SERPINA6: variants seen among roughly 807,000 people sequenced by gnomAD.
The protein encoded by SERPINA6 is corticosteroid-binding globulin.
In SERPINA6, 19 loss-of-function variants were observed where a neutral mutation model predicts 26.4. The observed-to-expected ratio is 0.72, with a 90% CI of 0.50 to 1.06. SERPINA6 has a LOEUF of 1.06. SERPINA6 is among the 50% of genes least tolerant of loss of function. The pLI is 0.00. For synonymous variants in SERPINA6, 196 were observed against 199.4 expected (o/e 0.98, Z 0.14); for missense variants, 473 against 504.0 (o/e 0.94, Z 0.59).
rs58671177 is a variant in SERPINA6 at position 94,315,228 on chromosome 14, A to G, written c.-19-561T>C. Among the ~76,000 whole-genome samples, 732 of 152,310 alleles carry G rather than the reference A, an allele frequency of 4.8e-3. 5 individuals are homozygous for G. The highest frequency in any genetic ancestry group is 0.017 in the African/African-American group (698 of 41,560). On this transcript the variant is annotated intron_variant, in intron 1 of 4. Transcript: ENST00000341584. ...GGTAAAGGTAGATGCGTGGGCAATT[A>G]TAAGTTATGTTTTTGGGCACATGAT...
At position 94,317,486 on chromosome 14, in the gene SERPINA6, C is replaced by T. The variant is rs149904790; in HGVS notation, c.-19-2819G>A. On this transcript the variant is annotated intron_variant, in intron 1 of 4. Coordinates refer to ENST00000341584, the MANE Select transcript of SERPINA6 (RefSeq NM_001756.4). The stretch of plus-strand genomic sequence containing the variant: ...GGAGCTTGGCCTCTCTCTCCTGATC[C>T]GATGTGGTAATCTGGGGATTCAGTC... Among the ~76,000 whole-genome samples the T allele has an allele frequency of 9.6e-3, 1,459 of 152,224 alleles. 26 individuals are homozygous for T. The highest frequency in any genetic ancestry group is 0.033 in the African/African-American group (1,375 of 41,544).
chr14:94,308,098 C>T (rs1038985549), intron 3 of SERPINA6, among the ~76,000 whole-genome samples: 11 of 152,256 alleles, frequency 7.2e-5, no homozygotes, highest in African/African-American at 2.7e-4. Context: ...CCCCTGACTT[C>T]ATGTCGGGTC....
intron 2 of SERPINA6, among the ~76,000 whole-genome samples, chr14:94,310,485 C>T (rs545095447): frequency 2.6e-5 from 4 of 152,284 alleles, no homozygotes; most frequent in East Asian, 3.9e-4. Flanking sequence ...TTCTAGGCCA[C>T]GTTGTCCTAA....
Position 94,306,195 on chromosome 14 carries a change from T to G in SERPINA6, c.908A>C (p.Lys303Thr), listed in dbSNP as rs1295435697. The stretch of plus-strand genomic sequence containing the variant: ...GTCATAGACTCCAGAGATGGTGACC[T>G]TTGGAATGTACAGGTCCACCTGGCT... ...TSSQVDLYIPKVTISGVYDLG... is the reference protein window; with the variant it reads ...TSSQVDLYIPTVTISGVYDLG... The change falls in exon 4 of 5, where the codon AAG becomes ACG. Residue 303 changes from lysine (K) to threonine (T), a missense_variant. Transcript: ENST00000341584. The G allele has an allele frequency of 1.9e-6, 3 of 1,614,186 alleles. No homozygotes were observed. The highest frequency in any genetic ancestry group is 2.5e-6 in the Non-Finnish European group (3 of 1,180,032).
chr14:94,321,433 T>A (rs953892048), intron 1 of SERPINA6, among the ~76,000 whole-genome samples: 41 of 152,026 alleles, frequency 2.7e-4, no homozygotes, highest in Non-Finnish European at 5.4e-4. Context: ...CCCTTTGGGG[T>A]CTCAGCCACA....
Position 94,314,590 on chromosome 14 carries a change from A to T in SERPINA6, c.59T>A (p.Val20Asp), listed in dbSNP as rs1895585986. ...LWLPTSGLWTVQAMDPNAAYV... is the reference protein window; with the variant it reads ...LWLPTSGLWTDQAMDPNAAYV... ...AGCAGCGTTAGGATCCATGGCCTGGACGGTCCAGAGGCCGCTGGTGGGCAG... is the reference window on the plus strand; with the variant it reads ...AGCAGCGTTAGGATCCATGGCCTGGTCGGTCCAGAGGCCGCTGGTGGGCAG... Residue 20 changes from valine to aspartate, a missense_variant, in exon 2 of 5, where the codon GTC becomes GAC. Coordinates refer to ENST00000341584, the MANE Select transcript of SERPINA6 (RefSeq NM_001756.4). 1.2e-6 allele frequency: 2 copies of T among 1,614,192 alleles called. No homozygotes were observed. Among genetic ancestry groups the T allele is most frequent in the East Asian group, 2.2e-5 (1 of 44,886 alleles).
At chr14:94,313,386 T>A (rs76812276) in intron 2 of SERPINA6, among the ~76,000 whole-genome samples, 1 of 152,198 alleles carries the variant, frequency 6.6e-6, no homozygotes, top group Non-Finnish European at 1.5e-5. Context: ...ATCACCCAGG[T>A]GGGCCATTAT....
At chr14:94,306,469 C>T (rs1291093439) in intron 3 of SERPINA6, among the ~76,000 whole-genome samples, 1 of 152,216 alleles carries the variant, frequency 6.6e-6, no homozygotes, top group Middle Eastern at 3.2e-3. Flanking sequence ...CTCTGCAATT[C>T]CTTCGAGCTG....
rs1322950917 is a variant in SERPINA6, at chr14:94,304,356, AT to A, written c.*61del. ...GGGGAAACCTCCCGCTCTCCAAAACATTTCTGTGGGATCCCTGGTTCCCAAA... is the reference window on the plus strand; with the variant it reads ...GGGGAAACCTCCCGCTCTCCAAAACATTCTGTGGGATCCCTGGTTCCCAAA... On this transcript the variant is annotated 3_prime_UTR_variant, in exon 5 of 5. Coordinates refer to ENST00000341584, the MANE Select transcript of SERPINA6 (RefSeq NM_001756.4). 1 of 1,548,298 alleles carries A rather than the reference AT, an allele frequency of 6.5e-7. No individual in the cohort carries two copies. Among genetic ancestry groups the A allele is most frequent in the Non-Finnish European group, 8.9e-7 (1 of 1,120,342 alleles).
At chr14:94,308,961 TTCAC>T (rs1176308174) in intron 3 of SERPINA6, among the ~76,000 whole-genome samples, 1 of 152,210 alleles carries the variant, frequency 6.6e-6, no homozygotes, top group Non-Finnish European at 1.5e-5. Flanking sequence ...CATCCATTAA[TTCAC>T]TCACTCATTC....
At chr14:94,322,969 G>T (rs1595578056) in intron 1 of SERPINA6, among the ~76,000 whole-genome samples, 2 of 152,300 alleles carry the variant, frequency 1.3e-5, no homozygotes, top group South Asian at 4.1e-4. Context: ...ATCTGGCTGG[G>T]CTTAGGAGCA....
intron 1 of SERPINA6, among the ~76,000 whole-genome samples, chr14:94,315,253 T>C (rs979953834): frequency 6.8e-6 from 1 of 148,070 alleles, no homozygotes; most frequent in East Asian, 2.0e-4. Context: ...GGGCACATGA[T>C]GTGTAGATAT....
chr14:94,311,255 G>T (rs1895525607), intron 2 of SERPINA6, among the ~76,000 whole-genome samples: 1 of 152,076 alleles, frequency 6.6e-6, no homozygotes. Context: ...ATTATTTGAG[G>T]GTTCTCAAAT....
At chr14:94,313,883 C>T (rs951502727) in intron 2 of SERPINA6, 153 bp downstream of exon 2, 16 of 870,524 alleles carry the variant, frequency 1.8e-5, no homozygotes, top group Non-Finnish European at 2.7e-5. Context: ...ATAATTCCAC[C>T]TACCCAGCAG....
chr14:94,313,865 A>G, intron 2 of SERPINA6, 171 bp downstream of exon 2: 1 of 836,356 alleles, frequency 1.2e-6, no homozygotes, highest in African/African-American at 1.7e-5. Flanking sequence ...GATCTTTTGT[A>G]AAATAATATA....
At chr14:94,316,052 G>T (rs1014827650) in intron 1 of SERPINA6, among the ~76,000 whole-genome samples, 1 of 152,000 alleles carries the variant, frequency 6.6e-6, no homozygotes, top group Non-Finnish European at 1.5e-5. Context: ...CATAAGTTTT[G>T]GTATGTTGTG....
At chr14:94,315,347 T>C (rs973086658) in intron 1 of SERPINA6, among the ~76,000 whole-genome samples, 25 of 152,364 alleles carry the variant, frequency 1.6e-4, no homozygotes, top group East Asian at 9.6e-4. Context: ...AAGCTGGTTA[T>C]ATCAAATATA....
rs566442417 is a variant in SERPINA6, at chr14:94,304,495, G to C, written c.1141C>G (p.Gln381Glu). 1 of 1,614,142 alleles carries C rather than the reference G, an allele frequency of 6.2e-7. No individual in the cohort carries two copies. The highest frequency in any genetic ancestry group is 8.5e-7 in the Non-Finnish European group (1 of 1,180,020). ...TCGAAGATCATGATGATGAAGGGCTGGTTGAAACGCAAGATGATAGGCTTG... is the reference window on the plus strand; with the variant it reads ...TCGAAGATCATGATGATGAAGGGCTCGTTGAAACGCAAGATGATAGGCTTG... The part of the protein sequence containing the change: ...TSKPIILRFN[Q>E]PFIIMIFDHF... Residue 381 changes from glutamine to glutamate, a missense_variant, in exon 5 of 5, where the codon CAG (glutamine) becomes GAG (glutamate). By Grantham distance (29) the Gln-to-Glu change is conservative (BLOSUM62 2). Transcript: ENST00000341584.
At chr14:94,311,966 T>A (rs990658921) in intron 2 of SERPINA6, among the ~76,000 whole-genome samples, 21 of 151,914 alleles carry the variant, frequency 1.4e-4, no homozygotes, top group South Asian at 2.1e-4. Flanking sequence ...TAAAAATAAA[T>A]AAATAAATAA....
Sources: allele counts gnomAD v4.1 joint callset (sites outside exome capture counted in the v4.1 genomes callset), GRCh38; gene constraint gnomAD v4.1.1; transcripts MANE v1.5; gene names NCBI Gene and HGNC (gene_info 2026-07-23, HGNC 2026-07-21).